The following NOS1AP variants were observed in gnomAD, a reference collection of about 807,000 sequenced individuals.
NOS1AP encodes nitric oxide synthase 1 adaptor protein.
NOS1AP carries 21 observed loss-of-function variants against 56.2 expected under a neutral mutation model. That is an observed-to-expected ratio of 0.37 (90% CI 0.26 to 0.54). The LOEUF (loss-of-function observed/expected upper bound fraction) is 0.54. Ranked by LOEUF, NOS1AP falls within the 20% of genes least tolerant of loss-of-function variation. The pLI is 0.84. For synonymous variants in NOS1AP, 270 were observed against 274.6 expected, an observed-to-expected ratio of 0.98 and a Z score of 0.17; for missense variants, 522 against 657.8, an observed-to-expected ratio of 0.79 and a Z score of 2.26.
Position 162,323,195 on chromosome 1 carries a change from A to C in NOS1AP, c.345-9822A>C, listed in dbSNP as rs12047198. Among the ~76,000 whole-genome samples, 140 of 152,338 alleles carry C rather than the reference A, an allele frequency of 9.2e-4. 2 individuals carry two copies. The East Asian group carries it at 0.024, about 26-fold the overall frequency. On this transcript the variant is annotated intron_variant, in intron 4 of 9. Transcript: ENST00000361897. ...AGAGACAGAGGAGACACAGGGCAGA[A>C]TGCCGTGGGAAGGCAGCGGGAGCAG...
chr1:162,133,521 A>C (rs1022581392), intron 1 of NOS1AP, among the ~76,000 whole-genome samples: 4 of 152,218 alleles, frequency 2.6e-5, no homozygotes, highest in African/African-American at 9.6e-5. Context: ...ATTTTATAAC[A>C]AGCTTTCCTT....
intron 1 of NOS1AP, among the ~76,000 whole-genome samples, chr1:162,133,162 G>T (rs550094357): frequency 6.6e-6 from 1 of 152,270 alleles, no homozygotes; most frequent in Admixed American, 6.5e-5. Context: ...TATTATATTA[G>T]TACGCTTAAT....
chr1:162,090,204 G>A (rs1169364011), intron 1 of NOS1AP, among the ~76,000 whole-genome samples: 2 of 150,964 alleles, frequency 1.3e-5, no homozygotes, highest in Non-Finnish European at 2.9e-5. Context: ...GTATGCGAAA[G>A]GTCAAAACTG....
At chr1:162,268,342 A>G (rs75380209) in intron 2 of NOS1AP, among the ~76,000 whole-genome samples, 3,982 of 151,696 alleles carry the variant, frequency 0.026, 71 homozygotes, top group Non-Finnish European at 0.038. Context: ...AATATTTATT[A>G]TAAGAGTTTT....
intron 4 of NOS1AP, among the ~76,000 whole-genome samples, chr1:162,319,299 G>A (rs188349393): frequency 3.4e-4 from 52 of 152,188 alleles, no homozygotes; most frequent in Admixed American, 1.2e-3. Context: ...ATTCCCCTAA[G>A]CATTCTGTAT....
At chr1:162,112,300 G>A (rs1647741770) in intron 1 of NOS1AP, among the ~76,000 whole-genome samples, 2 of 152,200 alleles carry the variant, frequency 1.3e-5, no homozygotes, top group South Asian at 2.1e-4. Context: ...GTCTGTGGAA[G>A]CCAACAAAAG....
intron 1 of NOS1AP, among the ~76,000 whole-genome samples, chr1:162,071,592 C>T (rs747466221): frequency 3.3e-5 from 5 of 152,142 alleles, no homozygotes; most frequent in Non-Finnish European, 5.9e-5. Flanking sequence ...TAAACCCTGC[C>T]GTGGAATGCA....
intron 2 of NOS1AP, among the ~76,000 whole-genome samples, chr1:162,186,418 CAAAAA>C (rs555138575): frequency 6.7e-6 from 1 of 148,638 alleles, no homozygotes; most frequent in African/African-American, 2.5e-5. Flanking sequence ...CAAAACAAAA[CAAAAA>C]AAAACAAAAA....
chr1:162,115,956 T>C (rs1202594314), intron 1 of NOS1AP, among the ~76,000 whole-genome samples: 1 of 152,190 alleles, frequency 6.6e-6, no homozygotes, highest in Non-Finnish European at 1.5e-5. Flanking sequence ...GGGTGCTGAG[T>C]CCTCTCACGA....
chr1:162,152,954 C>A (rs1558124574), intron 1 of NOS1AP, among the ~76,000 whole-genome samples: 2 of 151,966 alleles, frequency 1.3e-5, no homozygotes, highest in Non-Finnish European at 2.9e-5. Flanking sequence ...ATCCCTTGGG[C>A]TGTTTTATGT....
chr1:162,360,565 A>G, intron 8 of NOS1AP: 1 of 350,946 alleles, frequency 2.8e-6, no homozygotes, highest in Non-Finnish European at 5.6e-6. Context: ...CTATTTAAAG[A>G]TTTCTCCTCT....
At chr1:162,079,029 G>C (rs1294377636) in intron 1 of NOS1AP, among the ~76,000 whole-genome samples, 4 of 152,152 alleles carry the variant, frequency 2.6e-5, no homozygotes, top group Non-Finnish European at 4.4e-5. Flanking sequence ...ATCCCTATAA[G>C]ATGGCCAGGA....
chr1:162,158,126 C>T (rs1650046867), intron 2 of NOS1AP, among the ~76,000 whole-genome samples: 1 of 152,174 alleles, frequency 6.6e-6, no homozygotes, highest in Non-Finnish European at 1.5e-5. Context: ...GCAAAATGGA[C>T]ACTCTATACC....
At chr1:162,100,669 T>C (rs1050567179) in intron 1 of NOS1AP, among the ~76,000 whole-genome samples, 4 of 151,664 alleles carry the variant, frequency 2.6e-5, no homozygotes, top group African/African-American at 9.8e-5. Flanking sequence ...CGGCTTTTGT[T>C]GCCATTGCTT....
At chr1:162,136,607 A>G (rs1156292036) in intron 1 of NOS1AP, among the ~76,000 whole-genome samples, 3 of 152,216 alleles carry the variant, frequency 2.0e-5, no homozygotes, top group Non-Finnish European at 4.4e-5. Flanking sequence ...ACTGCTTTCC[A>G]GATGTGTCCT....
chr1:162,146,710 T>TA (rs1301730746), intron 1 of NOS1AP, among the ~76,000 whole-genome samples: 1 of 152,220 alleles, frequency 6.6e-6, no homozygotes. Flanking sequence ...ATTATTATCT[T>TA]AAACAATAGA....
At chr1:162,355,463 AGTGGCG>A in intron 7 of NOS1AP, 110 bp downstream of exon 7, 1 of 1,347,290 alleles carries the variant, frequency 7.4e-7, no homozygotes, top group Non-Finnish European at 1.1e-6. Flanking sequence ...TCCATGGCAC[AGTGGCG>A]GTGCCAGAGC....
intron 4 of NOS1AP, among the ~76,000 whole-genome samples, chr1:162,319,166 G>GT (rs1656328588): frequency 6.6e-6 from 1 of 152,122 alleles, no homozygotes; most frequent in African/African-American, 2.4e-5. Flanking sequence ...TCCCCTGTTT[G>GT]TAGATGAGAA....
intron 2 of NOS1AP, among the ~76,000 whole-genome samples, chr1:162,267,365 T>C (rs570798612): frequency 8.7e-4 from 133 of 152,320 alleles, no homozygotes; most frequent in African/African-American, 3.1e-3. Flanking sequence ...GGATCCGTGA[T>C]GTGCATTTAT....
Sources: gnomAD v4.1 joint callset for allele counts (sites outside exome capture counted in the v4.1 genomes callset) on GRCh38, gnomAD v4.1.1 for gene constraint, MANE v1.5 for transcripts, NCBI Gene and HGNC (gene_info 2026-07-23, HGNC 2026-07-21) for gene names.